LHX5: variants seen among roughly 807,000 people sequenced by gnomAD.
LHX5 encodes the protein LIM homeobox 5.
Under a neutral mutation model 30.6 loss-of-function variants are expected in LHX5, and 5 were observed. That is an observed-to-expected ratio of 0.16 (90% confidence interval 0.09 to 0.34). The LOEUF is 0.34. Among genes scored for constraint, LHX5 ranks in the 10% least tolerant of loss-of-function variants. The probability of loss-of-function intolerance (pLI) is 1.00; values close to 1 mark genes in which losing one functional copy is unlikely to be tolerated. For synonymous variants in LHX5, 266 were observed against 252.6 expected, an observed-to-expected ratio of 1.05 and a Z score of -0.50; for missense variants, 458 against 570.6, an observed-to-expected ratio of 0.80 and a Z score of 2.01.
rs182501742 is a variant in LHX5 at position 113,470,342 on chromosome 12, G to A, written c.173+984C>T. 1.4e-4 allele frequency among the ~76,000 whole-genome samples: 21 copies of A among 152,342 alleles called. No individual in the cohort carries two copies. In the East Asian group the frequency reaches 4.0e-3, roughly 29 times the overall value. ...CCATAAGTCACTTTTGGCCTTATCC[G>A]GCAGCGTAATTGGCCATATGCACCT... On this transcript the variant is annotated intron_variant, in intron 1 of 4. Transcript: ENST00000261731.
At position 113,464,429 on chromosome 12, in the gene LHX5, G is replaced by C. The variant is rs1289487972; in HGVS notation, c.842-872C>G. Among the ~76,000 whole-genome samples, 2 of 152,318 alleles carry C rather than the reference G, an allele frequency of 1.3e-5. No individual in the cohort carries two copies. Among genetic ancestry groups the C allele is most frequent in the East Asian group, 3.9e-4 (2 of 5,180 alleles). ...ACTGGTGGGTTGGGCCGGGCGGGGCGGCCTTGGCGCCCTAAACTCGGTCCC... is the reference window on the plus strand; with the variant it reads ...ACTGGTGGGTTGGGCCGGGCGGGGCCGCCTTGGCGCCCTAAACTCGGTCCC... On this transcript the variant is annotated intron_variant, in intron 4 of 4. Coordinates refer to ENST00000261731, the MANE Select transcript of LHX5 (RefSeq NM_022363.3). The surrounding 1 kb of genome is among the most constrained non-coding windows in gnomAD (Gnocchi z 6.2).
rs1268416112 is a variant in LHX5 at position 113,468,094 on chromosome 12, G to A, written c.675+33C>T. The A allele has an allele frequency of 4.0e-6, 6 of 1,498,272 alleles. No homozygotes were observed. The South Asian group carries it at 6.5e-5, about 16-fold the overall frequency. The allele number at this position is 1,498,272 out of a possible 1,614,324, so 92.8% of individuals were successfully genotyped here. ...GAGGCTCCCGGCTCCCAGGCCAGCG[G>A]GGCTAAGGAGCTGTGCCCGCCCCGG... On this transcript the variant is annotated intron_variant, in intron 3 of 4. Coordinates refer to ENST00000261731, the MANE Select transcript of LHX5 (RefSeq NM_022363.3).
Position 113,467,989 on chromosome 12 carries a change from C to T in LHX5, c.675+138G>A, listed in dbSNP as rs936594098. 21 of 1,226,264 alleles carry T rather than the reference C, an allele frequency of 1.7e-5. No homozygotes were observed. In the South Asian group the frequency reaches 1.9e-4, roughly 11 times the overall value. 76.0% of individuals were successfully genotyped at this position (1,226,264 alleles called of 1,614,324 possible). ...CACAGTCCCCGACCTCGGGCAAGTG[C>T]CCCACTCGGGCGCACGGTCTGCTCC... On this transcript the variant is annotated intron_variant, in intron 3 of 4. Transcript: ENST00000261731. This position sits in a 1 kb window ranked among gnomAD's most constrained non-coding sequence, Gnocchi z 6.3.
At position 113,468,286 on chromosome 12, in the gene LHX5, C is replaced by G; in HGVS notation, c.516G>C (p.Glu172Asp). 1 of 1,614,176 alleles carries G rather than the reference C, an allele frequency of 6.2e-7. No individual in the cohort carries two copies. The highest frequency in any genetic ancestry group is 8.5e-7 in the Non-Finnish European group (1 of 1,179,982). The change falls in exon 3 of 5, where the codon GAG becomes GAC. Residue 172 changes from glutamate (E) to aspartate (D), a missense_variant. Glu to Asp is a conservative substitution (Grantham distance 45). This residue lies in a region of LHX5 where 178 missense variants were observed against 238.5 expected (regional missense o/e 0.75). Transcript: ENST00000261731. ...GCCGCTTGGTGCCCGAGTTCTGCTC[C>G]TCGTTCTCGTTGTTGGCCGTCTCCT... ...SDKETANNENEEQNSGTKRRG... is the reference protein window; with the variant it reads ...SDKETANNENDEQNSGTKRRG...
At position 113,464,299 on chromosome 12, in the gene LHX5, A is replaced by G. The variant is rs1284868117; in HGVS notation, c.842-742T>C. 6.6e-6 allele frequency among the ~76,000 whole-genome samples: 1 copy of G among 152,116 alleles called. No individual in the cohort carries two copies. Among genetic ancestry groups the G allele is most frequent in the Non-Finnish European group, 1.5e-5 (1 of 68,012 alleles). On this transcript the variant is annotated intron_variant, in intron 4 of 4. Coordinates refer to ENST00000261731, the MANE Select transcript of LHX5 (RefSeq NM_022363.3). This position sits in a 1 kb window ranked among gnomAD's most constrained non-coding sequence, Gnocchi z 6.2. ...AGCGGAGGCTGACAGGCCCGGGGAG[A>G]GGAACCGGGCAGGGACAAACCAGCG...
In LHX5 at chr12:113,464,032, G is replaced by T. The variant is rs1292631454; in HGVS notation, c.842-475C>A. Among the ~76,000 whole-genome samples, 1 of 152,188 alleles carries T rather than the reference G, an allele frequency of 6.6e-6. No individual in the cohort carries two copies. The highest frequency in any genetic ancestry group is 1.5e-5 in the Non-Finnish European group (1 of 68,030). On this transcript the variant is annotated intron_variant, in intron 4 of 4. Transcript: ENST00000261731. This position sits in a 1 kb window ranked among gnomAD's most constrained non-coding sequence, Gnocchi z 6.2. ...TCGGCAGAGGGGCAGAGAGAAAGGCGGAAAAGAGACCCAGAGACGCGGAGT... is the reference window on the plus strand; with the variant it reads ...TCGGCAGAGGGGCAGAGAGAAAGGCTGAAAAGAGACCCAGAGACGCGGAGT...
Position 113,463,697 on chromosome 12 carries a change from G to A in LHX5, c.842-140C>T. 1.2e-6 allele frequency: 1 copy of A among 858,148 alleles called. No homozygotes were observed. The highest frequency in any genetic ancestry group is 1.7e-6 in the Non-Finnish European group (1 of 580,052). The allele number at this position is 858,148 out of a possible 1,614,324, so 53.2% of individuals were successfully genotyped here. A position where few individuals can be genotyped will look rare whatever the true frequency, so the allele number is the denominator to read the frequency against. On this transcript the variant is annotated intron_variant, in intron 4 of 4. Coordinates refer to ENST00000261731, the MANE Select transcript of LHX5 (RefSeq NM_022363.3). This position sits in a 1 kb window ranked among gnomAD's most constrained non-coding sequence, Gnocchi z 6.7. ...CGACCCAAGGTTAGAGAGACCTGCG[G>A]AGGCCGGCGCCCCTTGAGACGGTGG...
At position 113,471,703 on chromosome 12, in the gene LHX5, T is replaced by G. The variant is rs1593329827; in HGVS notation, c.-205A>C. ...CCGGAGTGGGGTGGTGGGGGGCGGG[T>G]GGCGTTCACAACCTCATGCCACGGG... is the stretch of plus-strand genomic sequence containing the variant. On this transcript the variant is annotated 5_prime_UTR_variant, in exon 1 of 5. Transcript: ENST00000261731. 7.8e-6 allele frequency: 4 copies of G among 509,920 alleles called. No individual in the cohort carries two copies. The highest frequency in any genetic ancestry group is 3.0e-5 in the South Asian group (1 of 33,824). 31.6% of individuals were successfully genotyped at this position (509,920 alleles called of 1,614,324 possible).
At chr12:113,470,221 G>A (rs1958239967) in intron 1 of LHX5, among the ~76,000 whole-genome samples, 1 of 152,098 alleles carries the variant, frequency 6.6e-6, no homozygotes, top group African/African-American at 2.4e-5. Context: ...TGGGGTGGGG[G>A]AGGACCCAGG....
Position 113,467,211 on chromosome 12 carries a change from G to A in LHX5, c.841+45C>T, listed in dbSNP as rs1203204923. 1 of 1,383,172 alleles carries A rather than the reference G, an allele frequency of 7.2e-7. No individual in the cohort carries two copies. The highest frequency in any genetic ancestry group is 9.4e-7 in the Non-Finnish European group (1 of 1,059,396). The allele number at this position is 1,383,172 out of a possible 1,614,324, so 85.7% of individuals were successfully genotyped here. On this transcript the variant is annotated intron_variant, in intron 4 of 4. Transcript: ENST00000261731. This position sits in a 1 kb window ranked among gnomAD's most constrained non-coding sequence, Gnocchi z 6.3. ...CCGGGACCCTTCGCCCTCAGCTCCC[G>A]GAATAGGACAGGTGCGGAACAGCGA...
Position 113,467,219 on chromosome 12 carries a change from A to G in LHX5, c.841+37T>C. The G allele has an allele frequency of 7.1e-7, 1 of 1,399,940 alleles. No individual in the cohort carries two copies. The highest frequency in any genetic ancestry group is 9.4e-7 in the Non-Finnish European group (1 of 1,066,348). 86.7% of individuals were successfully genotyped at this position (1,399,940 alleles called of 1,614,324 possible). A position where few individuals can be genotyped will look rare whatever the true frequency, so the allele number is the denominator to read the frequency against. ...CTTCGCCCTCAGCTCCCGGAATAGG[A>G]CAGGTGCGGAACAGCGAATCCCGGG... On this transcript the variant is annotated intron_variant, in intron 4 of 4. Coordinates refer to ENST00000261731, the MANE Select transcript of LHX5 (RefSeq NM_022363.3). This position sits in a 1 kb window ranked among gnomAD's most constrained non-coding sequence, Gnocchi z 6.3.
At chr12:113,469,734 G>C (rs567141445) in intron 1 of LHX5, among the ~76,000 whole-genome samples, 2 of 152,250 alleles carry the variant, frequency 1.3e-5, no homozygotes, top group African/African-American at 4.8e-5. Flanking sequence ...GGCGGGGAGG[G>C]TTTGGGCCAC....
rs535598059 is a variant in LHX5 at position 113,465,185 on chromosome 12, T to G, written c.842-1628A>C. ...GCTTGGAGGCAGTTTAAGCAACAGC[T>G]AAAACGGTTGCCAATTACTTTTTAA... is the stretch of plus-strand genomic sequence containing the variant. On this transcript the variant is annotated intron_variant, in intron 4 of 4. Coordinates refer to ENST00000261731, the MANE Select transcript of LHX5 (RefSeq NM_022363.3). This position sits in a 1 kb window ranked among gnomAD's most constrained non-coding sequence, Gnocchi z 6.7. Among the ~76,000 whole-genome samples the G allele has an allele frequency of 6.6e-6, 1 of 152,322 alleles. No individual in the cohort carries two copies. The highest frequency in any genetic ancestry group is 2.1e-4 in the South Asian group (1 of 4,832).
In LHX5 at chr12:113,471,474, C is replaced by T. The variant is rs1398832644; in HGVS notation, c.25G>A (p.Glu9Lys). 5.0e-6 allele frequency: 8 copies of T among 1,606,928 alleles called. No individual in the cohort carries two copies. The highest frequency in any genetic ancestry group is 6.8e-6 in the Non-Finnish European group (8 of 1,176,836). Residue 9 changes from glutamate (E) to lysine (K), a missense_variant, in exon 1 of 5, where the codon GAG becomes AAG. Physicochemically the swap from Glu to Lys is moderately conservative, Grantham distance 56. Around this residue, in one of 3 missense-constraint regions of LHX5, gnomAD observed 178 missense variants for 238.5 expected, o/e 0.75. Transcript: ENST00000261731. ...AGAAAGCGGTCGAGGATGGGCCGCT[C>T]GCAACCGGCGCAGTGCACCATCATA... MMVHCAGC[E>K]RPILDRFLLN...
rs543517879 is a variant in LHX5, at chr12:113,466,133, C to G, written c.841+1123G>C. Among the ~76,000 whole-genome samples the G allele has an allele frequency of 6.6e-6, 1 of 152,216 alleles. No homozygotes were observed. The highest frequency in any genetic ancestry group is 6.5e-5 in the Admixed American group (1 of 15,284). On this transcript the variant is annotated intron_variant, in intron 4 of 4. Transcript: ENST00000261731. This position sits in a 1 kb window ranked among gnomAD's most constrained non-coding sequence, Gnocchi z 6.5. ...TGCCTTGCTAACACTGCCACTGAACCCACTTTCTAAGAGAAATTGCCTCTT... is the reference window on the plus strand; with the variant it reads ...TGCCTTGCTAACACTGCCACTGAACGCACTTTCTAAGAGAAATTGCCTCTT...
At position 113,471,337 on chromosome 12, in the gene LHX5, A is replaced by G. The variant is rs762764767; in HGVS notation, c.162T>C (p.Asn54=). The part of the protein sequence containing the change: ...FSREGKLYCK[N]DFFRRFGTKC... ...GCGCGGCCTCTTACCTGAAAAAGTC[A>G]TTTTTGCAGTAGAGCTTGCCCTCGC... Residue 54 remains asparagine, a synonymous_variant, in exon 1 of 5, where the codon AAT becomes AAC. Coordinates refer to ENST00000261731, the MANE Select transcript of LHX5 (RefSeq NM_022363.3). The G allele has an allele frequency of 2.5e-6, 4 of 1,613,720 alleles. No individual in the cohort carries two copies. In the African/African-American group the frequency reaches 5.3e-5, roughly 22 times the overall value.
At position 113,463,260 on chromosome 12, in the gene LHX5, C is replaced by T. The variant is rs1958187842; in HGVS notation, c.1139G>A (p.Ser380Asn). The change falls in exon 5 of 5, where the codon AGC becomes AAC. Residue 380 changes from serine to asparagine, a missense_variant. Transcript: ENST00000261731. This position sits in a 1 kb window ranked among gnomAD's most constrained non-coding sequence, Gnocchi z 6.7. ...GGGTCCGCTGTAGCCGCTGGTGCCG[C>T]TCATTGGGAAGGGCGGGCTGGGCCC... is the stretch of plus-strand genomic sequence containing the variant. The part of the protein sequence containing the change: ...SGGPSPPFPM[S>N]GTSGYSGPLS... 1.3e-6 allele frequency: 2 copies of T among 1,526,912 alleles called. No individual in the cohort carries two copies. Among genetic ancestry groups the T allele is most frequent in the Non-Finnish European group, 1.8e-6 (2 of 1,141,384 alleles). The allele number at this position is 1,526,912 out of a possible 1,614,324, so 94.6% of individuals were successfully genotyped here. A position where few individuals can be genotyped will look rare whatever the true frequency, so the allele number is the denominator to read the frequency against.
rs1438344695 is a variant in LHX5, at chr12:113,469,136, C to T, written c.383G>A (p.Gly128Asp). ...DYLSSSSLKEGSLNSVSSCTD... is the reference protein window; with the variant it reads ...DYLSSSSLKEDSLNSVSSCTD... ...AGGCTTCCTACCTGAGTTGAGGCTG[C>T]CCTCCTTGAGGCTGGATGAGCTCAG... The change falls in exon 2 of 5, where the codon GGC becomes GAC. Residue 128 changes from glycine to aspartate, a missense_variant. Gly to Asp is a moderately conservative substitution (Grantham distance 94). Transcript: ENST00000261731. The T allele has an allele frequency of 6.2e-7, 1 of 1,613,030 alleles. No homozygotes were observed. Among genetic ancestry groups the T allele is most frequent in the Non-Finnish European group, 8.5e-7 (1 of 1,179,530 alleles).
chr12:113,465,799 C>A lies in LHX5; in HGVS notation c.841+1457G>T, dbSNP rs1958211494. 6.6e-6 allele frequency among the ~76,000 whole-genome samples: 1 copy of A among 151,754 alleles called. No homozygotes were observed. The highest frequency in any genetic ancestry group is 1.5e-5 in the Non-Finnish European group (1 of 67,962). ...AGAGGCAAATTTAGGTGGAGAGAGT[C>A]GGTGAGTGGAGACTCCGGAAGACAC... On this transcript the variant is annotated intron_variant, in intron 4 of 4. Coordinates refer to ENST00000261731, the MANE Select transcript of LHX5 (RefSeq NM_022363.3). The surrounding 1 kb of genome is among the most constrained non-coding windows in gnomAD (Gnocchi z 6.7).
Sources: allele counts gnomAD v4.1 joint callset (sites outside exome capture counted in the v4.1 genomes callset), GRCh38; gene constraint gnomAD v4.1.1; regional missense constraint gnomAD v4.1.1; non-coding constraint Gnocchi (gnomAD v3.1); transcripts MANE v1.5; gene names NCBI Gene and HGNC (gene_info 2026-07-23, HGNC 2026-07-21).